SUCLG2: variants seen among roughly 807,000 people sequenced by gnomAD.
SUCLG2 encodes the protein succinate--CoA ligase [GDP-forming] subunit beta, mitochondrial.
In SUCLG2, 42 loss-of-function variants were observed where a neutral mutation model predicts 47.9. The ratio of observed to expected loss-of-function variants is 0.88; its 90% CI spans 0.69 to 1.14. SUCLG2 has a LOEUF of 1.14. SUCLG2 is among the 50% of genes most tolerant of loss of function. The pLI is 0.00. For synonymous variants in SUCLG2, 195 were observed against 197.3 expected, an observed-to-expected ratio of 0.99 and a Z score of 0.10; for missense variants, 571 against 525.9, an observed-to-expected ratio of 1.09 and a Z score of -0.84.
chr3:67,420,806 T>C (rs1490815894), intron 9 of SUCLG2, among the ~76,000 whole-genome samples: 1 of 152,146 alleles, frequency 6.6e-6, no homozygotes, highest in African/African-American at 2.4e-5. Context: ...TGTGTGTGGG[T>C]ATTTATCTTA....
intron 2 of SUCLG2, among the ~76,000 whole-genome samples, chr3:67,601,746 T>A (rs1334700265): frequency 6.6e-6 from 1 of 151,722 alleles, no homozygotes; most frequent in Admixed American, 6.6e-5. Flanking sequence ...ATTTGGGAGG[T>A]CAAAGTGGGA....
intron 9 of SUCLG2, among the ~76,000 whole-genome samples, chr3:67,487,499 T>C (rs202233476): frequency 0.024 from 3,614 of 149,900 alleles, 55 homozygotes; most frequent in African/African-American, 0.038. Context: ...AACACACATA[T>C]ACACACACAC....
intron 10 of SUCLG2, among the ~76,000 whole-genome samples, chr3:67,367,143 A>G (rs772353410): frequency 6.6e-6 from 1 of 152,216 alleles, no homozygotes; most frequent in Non-Finnish European, 1.5e-5. Flanking sequence ...ATATTATTCC[A>G]GTTAAAGATC....
At chr3:67,402,309 G>GGCAGGTTACCTACAGA (rs58345502) in intron 9 of SUCLG2, among the ~76,000 whole-genome samples, 2 of 151,898 alleles carry the variant, frequency 1.3e-5, no homozygotes, top group African/African-American at 4.8e-5. Flanking sequence ...GATGAAAGTG[G>GGCAGGTTACCTACAGA]GCAAGTAAGA....
At chr3:67,619,028 G>C (rs752696930) in intron 1 of SUCLG2, among the ~76,000 whole-genome samples, 3 of 152,160 alleles carry the variant, frequency 2.0e-5, no homozygotes, top group Non-Finnish European at 4.4e-5. Context: ...AAAGCAAGCA[G>C]CATCAGTTTA....
At chr3:67,653,758 C>A (rs751472133) in intron 1 of SUCLG2, among the ~76,000 whole-genome samples, 1 of 152,216 alleles carries the variant, frequency 6.6e-6, no homozygotes, top group Non-Finnish European at 1.5e-5. Context: ...TGAAGTCCTT[C>A]TGACTATTTT....
In SUCLG2 at chr3:67,624,210, C is replaced by T. The variant is rs560948556; in HGVS notation, c.85-14614G>A. 6.9e-4 allele frequency among the ~76,000 whole-genome samples: 105 copies of T among 152,346 alleles called. 2 individuals are homozygous for T. The South Asian group carries it at 0.017, about 25-fold the overall frequency. Reference sequence around the variant, plus strand: ...CGGCAGTTTTGAGTGACCTAGCTAACTCAATCTCACAAGTTTGCCTGTCAC... The same window carrying T: ...CGGCAGTTTTGAGTGACCTAGCTAATTCAATCTCACAAGTTTGCCTGTCAC... On this transcript the variant is annotated intron_variant, in intron 1 of 10. Transcript: ENST00000307227.
At chr3:67,389,121 CA>C (rs1702321890) in intron 10 of SUCLG2, among the ~76,000 whole-genome samples, 2 of 151,990 alleles carry the variant, frequency 1.3e-5, no homozygotes, top group South Asian at 4.2e-4. Context: ...TAGGCAGAAC[CA>C]AAAACCCAAG....
intron 2 of SUCLG2, among the ~76,000 whole-genome samples, chr3:67,552,246 C>A (rs1215455189): frequency 6.7e-6 from 1 of 149,560 alleles, no homozygotes; most frequent in Non-Finnish European, 1.5e-5. Flanking sequence ...AAAACAAAAA[C>A]CTTTCCTTTC....
intron 9 of SUCLG2, among the ~76,000 whole-genome samples, chr3:67,449,097 A>G (rs1703994531): frequency 6.6e-6 from 1 of 152,236 alleles, no homozygotes. Context: ...TATTAAGAAC[A>G]TTCTAAAAAG....
downstream of SUCLG2, among the ~76,000 whole-genome samples, chr3:67,373,018 G>A (rs566835095): frequency 6.6e-6 from 1 of 152,218 alleles, no homozygotes. Context: ...AGGCCCTTGG[G>A]CCTTAGTTTG....
chr3:67,609,759 A>AT lies in SUCLG2; in HGVS notation c.85-164dup, dbSNP rs561749256. Among the ~76,000 whole-genome samples, 34 of 152,312 alleles carry AT rather than the reference A, an allele frequency of 2.2e-4. No individual in the cohort carries two copies. The South Asian group carries it at 5.2e-3, about 23-fold the overall frequency. Reference sequence around the variant, plus strand: ...AACCCACTTAAATTCATGCCTAATTATTTTTTAACAAAAACTGTTAAGGAC... The same window carrying AT: ...AACCCACTTAAATTCATGCCTAATTATTTTTTTAACAAAAACTGTTAAGGAC... On this transcript the variant is annotated intron_variant, in intron 1 of 10. Transcript: ENST00000307227.
chr3:67,446,417 A>AGTT (rs1427470893), intron 9 of SUCLG2, among the ~76,000 whole-genome samples: 8 of 32,192 alleles, frequency 2.5e-4, no homozygotes, highest in Non-Finnish European at 2.1e-4. Context: ...ACATATGTAC[A>AGTT]TTTTTTTTTT....
intron 1 of SUCLG2, among the ~76,000 whole-genome samples, chr3:67,632,477 C>T (rs1399702244): frequency 6.6e-6 from 1 of 152,134 alleles, no homozygotes; most frequent in Non-Finnish European, 1.5e-5. Flanking sequence ...GCCACAGTGC[C>T]TGGCCCAAAG....
chr3:67,539,321 T>C (rs1307300295), intron 2 of SUCLG2, among the ~76,000 whole-genome samples: 1 of 152,198 alleles, frequency 6.6e-6, no homozygotes, highest in African/African-American at 2.4e-5. Context: ...GATAATCATG[T>C]GGTTTTTGTC....
At chr3:67,389,498 T>C (rs558913384) in intron 10 of SUCLG2, among the ~76,000 whole-genome samples, 6 of 152,144 alleles carry the variant, frequency 3.9e-5, no homozygotes, top group African/African-American at 1.4e-4. Context: ...ACCAAAAATA[T>C]CTTGTCACAA....
At chr3:67,408,178 T>C (rs979894329) in intron 9 of SUCLG2, among the ~76,000 whole-genome samples, 8 of 152,184 alleles carry the variant, frequency 5.3e-5, no homozygotes, top group Non-Finnish European at 1.0e-4. Flanking sequence ...CTTTGGTATA[T>C]TCTTGGAGTT....
intron 10 of SUCLG2, among the ~76,000 whole-genome samples, chr3:67,393,670 T>G (rs1702449130): frequency 6.6e-6 from 1 of 152,202 alleles, no homozygotes; most frequent in South Asian, 2.1e-4. Context: ...AAGAGAGCAG[T>G]GGTTCTCCTG....
At chr3:67,402,078 G>T (rs1702697064) in intron 9 of SUCLG2, among the ~76,000 whole-genome samples, 1 of 152,188 alleles carries the variant, frequency 6.6e-6, no homozygotes. Context: ...TCCCTAGATT[G>T]TCTACTGATT....
Sources: allele counts gnomAD v4.1 joint callset (sites outside exome capture counted in the v4.1 genomes callset), GRCh38; gene constraint gnomAD v4.1.1; transcripts MANE v1.5; gene names NCBI Gene and HGNC (gene_info 2026-07-23, HGNC 2026-07-21).